Variants in LMO7 observed in about 807,000 individuals in gnomAD.
The protein encoded by LMO7 is LIM domain only protein 7.
LMO7 carries 120 observed loss-of-function variants against 206.5 expected under a neutral mutation model. The ratio of observed to expected loss-of-function variants is 0.58; its 90% CI spans 0.50 to 0.68. The LOEUF (loss-of-function observed/expected upper bound fraction) is 0.68. Ranked by LOEUF, LMO7 falls within the 30% of genes least tolerant of loss-of-function variation. The pLI, the probability that LMO7 is intolerant of heterozygous loss-of-function variation, is 0.00. For synonymous variants in LMO7, 706 were observed against 681.5 expected (o/e 1.04, Z -0.56); for missense variants, 1,959 against 1,957.9 (o/e 1.00, Z -0.01).
chr13:75,720,012 G>A (rs916431892), intron 2 of LMO7, among the ~76,000 whole-genome samples: 2 of 152,128 alleles, frequency 1.3e-5, no homozygotes, highest in East Asian at 1.9e-4. Context: ...GGTGTCGTCC[G>A]TGTTCTGAAT....
chr13:75,852,027 A>G (rs749309960), intron 27 of LMO7, among the ~76,000 whole-genome samples: 2 of 152,216 alleles, frequency 1.3e-5, no homozygotes, highest in African/African-American at 2.4e-5. Context: ...TATCTAACCT[A>G]ATGCTTGTGA....
At chr13:75,846,746 T>C (rs1219302973) in intron 26 of LMO7, among the ~76,000 whole-genome samples, 1 of 152,216 alleles carries the variant, frequency 6.6e-6, no homozygotes, top group East Asian at 1.9e-4. Context: ...CAGTGGAAGT[T>C]ATTAAATATT....
chr13:75,810,310 G>A (rs948100759), intron 11 of LMO7, among the ~76,000 whole-genome samples: 1 of 152,118 alleles, frequency 6.6e-6, no homozygotes, highest in African/African-American at 2.4e-5. Context: ...CTTCCCTTAT[G>A]AGGATTTACT....
At chr13:75,767,543 T>A (rs1259243436) in intron 4 of LMO7, among the ~76,000 whole-genome samples, 1 of 151,956 alleles carries the variant, frequency 6.6e-6, no homozygotes, top group Non-Finnish European at 1.5e-5. Flanking sequence ...TTTACCTTTG[T>A]CTAGTATTAA....
rs561406848 is a variant in LMO7, at chr13:75,825,029, T to G, written c.2949+1156T>G. On this transcript the variant is annotated intron_variant, in intron 15 of 30. Coordinates refer to ENST00000377534, the MANE Select transcript of LMO7 (RefSeq NM_001306080.2). ...GGAAAGTATAAATAATTTAAATTGC[T>G]GATAATTCCATCATTTAGAGATAAT... Among the ~76,000 whole-genome samples the G allele has an allele frequency of 2.1e-4, 32 of 152,302 alleles. 1 individual carries two copies. The highest frequency in any genetic ancestry group is 6.3e-4 in the African/African-American group (26 of 41,566).
chr13:75,740,740 C>T (rs1207037751), intron 3 of LMO7, among the ~76,000 whole-genome samples: 2 of 152,138 alleles, frequency 1.3e-5, no homozygotes, highest in East Asian at 3.9e-4. Flanking sequence ...TGGTACTGGG[C>T]TGATTCTGGC....
At chr13:75,729,985 A>G (rs1172401816) in intron 3 of LMO7, among the ~76,000 whole-genome samples, 1 of 152,002 alleles carries the variant, frequency 6.6e-6, no homozygotes, top group African/African-American at 2.4e-5. Context: ...AGCCCACTTG[A>G]TCATGGTGGA....
intron 2 of LMO7, among the ~76,000 whole-genome samples, chr13:75,623,670 A>T (rs77232955): frequency 2.8e-5 from 4 of 142,714 alleles, no homozygotes; most frequent in Non-Finnish European, 6.1e-5. Flanking sequence ...ACCAAGCATT[A>T]AAAAAAAAAA....
intron 1 of LMO7, among the ~76,000 whole-genome samples, chr13:75,643,272 A>G (rs1253659301): frequency 6.6e-6 from 1 of 152,224 alleles, no homozygotes; most frequent in Non-Finnish European, 1.5e-5. Flanking sequence ...ACATACCAGC[A>G]TTTGAGTTAT....
At chr13:75,653,926 A>G (rs936178104) in intron 1 of LMO7, among the ~76,000 whole-genome samples, 3 of 152,218 alleles carry the variant, frequency 2.0e-5, no homozygotes, top group Non-Finnish European at 4.4e-5. Context: ...TAGCAAATGT[A>G]TAATTTCATT....
chr13:75,644,654 G>C (rs1332002965), intron 1 of LMO7, among the ~76,000 whole-genome samples: 1 of 152,028 alleles, frequency 6.6e-6, no homozygotes, highest in Non-Finnish European at 1.5e-5. Context: ...TTAGAGACAG[G>C]GTCTTGCTCT....
intron 14 of LMO7, among the ~76,000 whole-genome samples, chr13:75,823,199 T>C (rs2057776882): frequency 6.6e-6 from 1 of 152,120 alleles, no homozygotes; most frequent in Non-Finnish European, 1.5e-5. Flanking sequence ...GGTGAACTTG[T>C]TTAGAGGTTA....
At chr13:75,733,074 G>T (rs1354329041) in intron 3 of LMO7, among the ~76,000 whole-genome samples, 3 of 152,196 alleles carry the variant, frequency 2.0e-5, no homozygotes, top group Admixed American at 6.5e-5. Context: ...GGGGTCAGGG[G>T]TCAGGGACCC....
intron 1 of LMO7, among the ~76,000 whole-genome samples, chr13:75,710,550 C>T (rs1027352718): frequency 2.0e-5 from 3 of 151,356 alleles, no homozygotes; most frequent in Non-Finnish European, 2.9e-5. Flanking sequence ...ATTTTATTCT[C>T]TTTGAAGCAA....
intron 1 of LMO7, among the ~76,000 whole-genome samples, chr13:75,652,204 G>C (rs937182941): frequency 8.6e-5 from 13 of 151,432 alleles, no homozygotes; most frequent in African/African-American, 2.7e-4. Context: ...TTTGGCTTCG[G>C]TCTCTTTTAA....
At chr13:75,709,908 C>A (rs2042953183) in intron 1 of LMO7, among the ~76,000 whole-genome samples, 1 of 152,152 alleles carries the variant, frequency 6.6e-6, no homozygotes, top group African/African-American at 2.4e-5. Flanking sequence ...CCTAGGTTTT[C>A]TTCTAGGGTT....
rs765469255 is a variant in LMO7 at position 75,805,522 on chromosome 13, A to G, written c.958A>G (p.Thr320Ala). ...GGGCACCAATGTGGAGAACTGGCCA[A>G]CTGTACAAGGAACTTCAAAGTCCTC... ...IWGTNVENWP[T>A]VQGTSKSSCY... Residue 320 changes from threonine to alanine, a missense_variant, in exon 9 of 31, where the codon ACT (threonine) becomes GCT (alanine). Physicochemically the swap from Thr to Ala is moderately conservative, Grantham distance 58 (BLOSUM62 0). Coordinates refer to ENST00000377534, the MANE Select transcript of LMO7 (RefSeq NM_001306080.2). 2 of 1,614,048 alleles carry G rather than the reference A, an allele frequency of 1.2e-6. No individual in the cohort carries two copies. The highest frequency in any genetic ancestry group is 2.2e-5 in the East Asian group (1 of 44,876).
In LMO7 at chr13:75,776,162, G is replaced by GATATATATATATATATAT. The variant is rs58964680; in HGVS notation, c.317+15150_317+15167dup. Among the ~76,000 whole-genome samples the GATATATATATATATATAT allele has an allele frequency of 1.4e-3, 51 of 36,824 alleles. 5 individuals carry two copies. Among genetic ancestry groups the GATATATATATATATATAT allele is most frequent in the South Asian group, 3.6e-3 (2 of 552 alleles). The allele number at this position is 36,824 out of a possible 152,430, so 24.2% of individuals were successfully genotyped here. A position where few individuals can be genotyped will look rare whatever the true frequency, so the allele number is the denominator to read the frequency against. On this transcript the variant is annotated intron_variant, in intron 4 of 30. Transcript: ENST00000377534. ...ATATATATGCCATGTATATATATCG[G>GATATATATATATATATAT]ATATATATATATATATATATATATA... is the stretch of plus-strand genomic sequence containing the variant.
At chr13:75,813,196 C>T (rs2056614693) in intron 11 of LMO7, among the ~76,000 whole-genome samples, 1 of 152,162 alleles carries the variant, frequency 6.6e-6, no homozygotes, top group Admixed American at 6.5e-5. Context: ...TGTGATCTGG[C>T]TGAGAGACTC....
Sources: allele counts gnomAD v4.1 joint callset (sites outside exome capture counted in the v4.1 genomes callset), GRCh38; gene constraint gnomAD v4.1.1; transcripts MANE v1.5; gene names NCBI Gene and HGNC (gene_info 2026-07-23, HGNC 2026-07-21).